Variants in PICALM observed in about 807,000 individuals in gnomAD.
The protein encoded by PICALM is phosphatidylinositol binding clathrin assembly protein.
In PICALM, 40 loss-of-function variants were observed where a neutral mutation model predicts 80.5. That is an observed-to-expected ratio of 0.50 (90% CI 0.39 to 0.65). PICALM has a LOEUF of 0.65. PICALM is among the 30% of genes least tolerant of loss of function. PICALM has a pLI of 0.00. For missense variants in PICALM, 676 were observed against 778.9 expected, an observed-to-expected ratio of 0.87 and a Z score of 1.57; for synonymous variants, 288 against 260.3, an observed-to-expected ratio of 1.11 and a Z score of -1.02.
At chr11:85,993,918 C>T (rs1445586575) in intron 12 of PICALM, among the ~76,000 whole-genome samples, 1 of 151,888 alleles carries the variant, frequency 6.6e-6, no homozygotes, top group Non-Finnish European at 1.5e-5. Flanking sequence ...CAAGGTATTG[C>T]TATATTGCCC....
intron 3 of PICALM, among the ~76,000 whole-genome samples, chr11:86,025,579 GAC>G (rs1163641238): frequency 1.3e-5 from 2 of 151,038 alleles, no homozygotes; most frequent in East Asian, 3.9e-4. Flanking sequence ...GTTTTTTTGA[GAC>G]AGAGTCTAGC....
At chr11:86,012,425 T>C (rs773898202) in intron 5 of PICALM, 33 bp from the exon 6 acceptor site, 7 of 1,204,270 alleles carry the variant, frequency 5.8e-6, no homozygotes, top group Middle Eastern at 2.0e-4. Flanking sequence ...AATTAGCTAA[T>C]CTTAGGTTTT....
chr11:86,001,617 A>G (rs1376723441), intron 9 of PICALM, among the ~76,000 whole-genome samples: 1 of 152,254 alleles, frequency 6.6e-6, no homozygotes, highest in African/African-American at 2.4e-5. Context: ...ACGTAAGTCT[A>G]GGTATGTTTC....
intron 5 of PICALM, among the ~76,000 whole-genome samples, chr11:86,013,551 C>G (rs990678084): frequency 6.6e-6 from 1 of 151,902 alleles, no homozygotes; most frequent in Non-Finnish European, 1.5e-5. Flanking sequence ...TTGAGTGTAG[C>G]ACTGTTTAGG....
intron 4 of PICALM, among the ~76,000 whole-genome samples, chr11:86,016,338 C>A (rs1251853455): frequency 6.6e-6 from 1 of 152,190 alleles, no homozygotes. Flanking sequence ...AAAATTCAGA[C>A]ACCTTATTCT....
intron 1 of PICALM, among the ~76,000 whole-genome samples, chr11:86,060,298 T>A (rs1304166186): frequency 6.6e-6 from 1 of 152,190 alleles, no homozygotes; most frequent in Non-Finnish European, 1.5e-5. Context: ...TATTTACTGT[T>A]AGAAACTGAA....
chr11:86,022,028 A>G (rs925969344), intron 4 of PICALM, among the ~76,000 whole-genome samples: 11 of 152,174 alleles, frequency 7.2e-5, no homozygotes, highest in Admixed American at 6.5e-4. Context: ...GGGAATAGGA[A>G]ATGAATGCTA....
rs11234513 is a variant in PICALM at position 86,012,084 on chromosome 11, C to T, written c.658+197G>A. On this transcript the variant is annotated intron_variant, in intron 6 of 19. Coordinates refer to ENST00000393346, the MANE Select transcript of PICALM (RefSeq NM_007166.4). ...CATCTAAAAAATAAAGTTCATCTTGCTGAACATCCTGGGTATAAAAATATG... is the reference window on the plus strand; with the variant it reads ...CATCTAAAAAATAAAGTTCATCTTGTTGAACATCCTGGGTATAAAAATATG... Among the ~76,000 whole-genome samples, 32,747 of 152,014 alleles carry T rather than the reference C, an allele frequency of 0.22. 3,902 individuals carry two copies. The highest frequency in any genetic ancestry group is 0.25 in the African/African-American group (10,535 of 41,440).
At chr11:86,057,799 G>A (rs1401279974) in intron 1 of PICALM, among the ~76,000 whole-genome samples, 1 of 152,094 alleles carries the variant, frequency 6.6e-6, no homozygotes, top group Non-Finnish European at 1.5e-5. Flanking sequence ...GTAACCTAGA[G>A]ATGATTTAAA....
intron 13 of PICALM, among the ~76,000 whole-genome samples, chr11:85,985,585 A>C (rs1219831102): frequency 2.0e-5 from 3 of 152,222 alleles, no homozygotes; most frequent in African/African-American, 7.2e-5. Flanking sequence ...GGATCTGAGA[A>C]TCCTAGACTT....
chr11:85,990,187 C>T (rs930567832), intron 13 of PICALM, 63 bp downstream of exon 13: 15 of 833,990 alleles, frequency 1.8e-5, no homozygotes, highest in Non-Finnish European at 2.3e-5. Context: ...AATTAATGGA[C>T]ACGTAAAATA....
At chr11:86,068,266 A>G (rs894104673) in intron 1 of PICALM, among the ~76,000 whole-genome samples, 1 of 152,184 alleles carries the variant, frequency 6.6e-6, no homozygotes, top group African/African-American at 2.4e-5. Context: ...GGAGACGCTC[A>G]GACGAGGGCG....
In PICALM at chr11:86,068,760, C is replaced by G; in HGVS notation, c.21G>C (p.Thr7=). Residue 7 remains threonine (T), a synonymous_variant, in exon 1 of 20, where the codon ACG becomes ACC. Transcript: ENST00000393346. The part of the protein sequence containing the change: MSGQSL[T]DRITAAQHSV... ...TGTGCTGGGCGGCAGTGATTCGGTC[C>G]GTCAGGCTCTGGCCGGACATCTCTG... is the stretch of plus-strand genomic sequence containing the variant. The G allele has an allele frequency of 6.2e-7, 1 of 1,610,982 alleles. No individual in the cohort carries two copies. The highest frequency in any genetic ancestry group is 8.5e-7 in the Non-Finnish European group (1 of 1,179,512).
chr11:86,058,267 G>A (rs2096301228), intron 1 of PICALM, among the ~76,000 whole-genome samples: 2 of 152,100 alleles, frequency 1.3e-5, no homozygotes, highest in Non-Finnish European at 2.9e-5. Flanking sequence ...GATGACCCTT[G>A]ATCTCAGAAC....
At chr11:86,005,157 T>C (rs1199595046) in intron 8 of PICALM, among the ~76,000 whole-genome samples, 1 of 152,190 alleles carries the variant, frequency 6.6e-6, no homozygotes, top group Non-Finnish European at 1.5e-5. Flanking sequence ...ACATATCTGA[T>C]ACACAACAGA....
intron 1 of PICALM, among the ~76,000 whole-genome samples, chr11:86,056,428 G>C (rs2096271170): frequency 6.6e-6 from 1 of 151,498 alleles, no homozygotes; most frequent in East Asian, 1.9e-4. Context: ...TTAACCACTA[G>C]GGAAATGGAA....
At chr11:86,043,261 A>G (rs1373044980) in intron 1 of PICALM, among the ~76,000 whole-genome samples, 1 of 152,102 alleles carries the variant, frequency 6.6e-6, no homozygotes, top group Non-Finnish European at 1.5e-5. Context: ...TAAAACACAA[A>G]CATGCTTCTA....
intron 3 of PICALM, among the ~76,000 whole-genome samples, chr11:86,025,792 C>A (rs2095640858): frequency 6.6e-6 from 1 of 152,088 alleles, no homozygotes; most frequent in Non-Finnish European, 1.5e-5. Context: ...CACTTGACCT[C>A]AAGTGACCCA....
At chr11:85,983,789 A>G in intron 14 of PICALM, 77 bp downstream of exon 14, 1 of 637,200 alleles carries the variant, frequency 1.6e-6, no homozygotes, top group Non-Finnish European at 2.7e-6. Flanking sequence ...AAACATTTTA[A>G]AAGCAGCATT....
Sources: allele counts gnomAD v4.1 joint callset (sites outside exome capture counted in the v4.1 genomes callset), GRCh38; gene constraint gnomAD v4.1.1; transcripts MANE v1.5; gene names NCBI Gene and HGNC (gene_info 2026-07-23, HGNC 2026-07-21).